ADAM32: variants seen among roughly 807,000 people sequenced by gnomAD.
The protein encoded by ADAM32 is disintegrin and metalloproteinase domain-containing protein 32.
ADAM32 carries 89 observed loss-of-function variants against 114.9 expected under a neutral mutation model. That is an observed-to-expected ratio of 0.77 (90% confidence interval 0.65 to 0.92). The LOEUF (loss-of-function observed/expected upper bound fraction) is 0.92. Ranked by LOEUF, ADAM32 falls within the 40% of genes least tolerant of loss-of-function variation. ADAM32 has a pLI of 0.00. For missense variants in ADAM32, 870 were observed against 932.8 expected (o/e 0.93, Z 0.88); for synonymous variants, 285 against 307.5 (o/e 0.93, Z 0.77).
intron 21 of ADAM32, among the ~76,000 whole-genome samples, chr8:39,275,573 AAAAC>A (rs1813022207): frequency 6.6e-6 from 1 of 152,264 alleles, no homozygotes; most frequent in Admixed American, 6.5e-5. Context: ...TGAAAGGAGA[AAAAC>A]AAATCAGTTT....
At chr8:39,284,071 G>A (rs1242190494) in intron 24 of ADAM32, among the ~76,000 whole-genome samples, 1 of 152,106 alleles carries the variant, frequency 6.6e-6, no homozygotes, top group Non-Finnish European at 1.5e-5. Flanking sequence ...ATCATGTCCA[G>A]CCTAAATGAC....
intron 18 of ADAM32, among the ~76,000 whole-genome samples, chr8:39,254,884 C>T (rs1021454297): frequency 1.3e-5 from 2 of 151,906 alleles, no homozygotes; most frequent in African/African-American, 4.8e-5. Flanking sequence ...CCCCTCAATA[C>T]CCCAAAGTCC....
rs765472860 is a variant in ADAM32 at position 39,165,147 on chromosome 8, A to G, written c.784A>G (p.Lys262Glu). 1.2e-6 allele frequency: 2 copies of G among 1,600,236 alleles called. No homozygotes were observed. The highest frequency in any genetic ancestry group is 1.1e-5 in the South Asian group (1 of 90,286). The stretch of plus-strand genomic sequence containing the variant: ...ATTATTGCAAAAATTTTTAGAATGG[A>G]AACAATCTTATCTTAACCTAAGGCC... ...DELLQKFLEW[K>E]QSYLNLRPHD... The change falls in exon 9 of 25, where the codon AAA becomes GAA. Residue 262 changes from lysine (K) to glutamate (E), a missense_variant. Transcript: ENST00000379907.
chr8:39,161,081 C>A, intron 7 of ADAM32, 116 bp downstream of exon 7: 4 of 918,220 alleles, frequency 4.4e-6, no homozygotes, highest in Admixed American at 3.7e-5. Flanking sequence ...GTCATAGAGA[C>A]AATAGTGGAA....
intron 3 of ADAM32, among the ~76,000 whole-genome samples, chr8:39,146,347 A>T (rs1803503396): frequency 6.6e-6 from 1 of 152,152 alleles, no homozygotes; most frequent in African/African-American, 2.4e-5. Context: ...ATAGTAATAA[A>T]GCTTTAGAAA....
At position 39,151,516 on chromosome 8, in the gene ADAM32, C is replaced by T. The variant is rs1803824057; in HGVS notation, c.493C>T (p.Pro165Ser). ...TATTGACAGAAGCCTGAAAGAACAA[C>T]CAATGGATGACAACATTTTTATAAG... ...IFIDRSLKEQ[P>S]MDDNIFISEK... The change falls in exon 6 of 25, where the codon CCA (proline) becomes TCA (serine). Residue 165 changes from proline (P) to serine (S), a missense_variant. Physicochemically the swap from Pro to Ser is moderately conservative, Grantham distance 74. Coordinates refer to ENST00000379907, the MANE Select transcript of ADAM32 (RefSeq NM_145004.7). 6.3e-7 allele frequency: 1 copy of T among 1,584,658 alleles called. No individual in the cohort carries two copies. The highest frequency in any genetic ancestry group is 8.5e-7 in the Non-Finnish European group (1 of 1,169,966).
intron 14 of ADAM32, among the ~76,000 whole-genome samples, 152 bp from the exon 15 acceptor site, chr8:39,231,875 A>G (rs1222515370): frequency 6.6e-6 from 1 of 152,154 alleles, no homozygotes; most frequent in Non-Finnish European, 1.5e-5. Flanking sequence ...ATTGCCTTTC[A>G]CTTTACTTTT....
intron 10 of ADAM32, among the ~76,000 whole-genome samples, chr8:39,179,447 A>G (rs1227038971): frequency 1.3e-5 from 2 of 152,188 alleles, no homozygotes; most frequent in Non-Finnish European, 1.5e-5. Context: ...GAATGCATGA[A>G]TGGATCTCCC....
rs566070579 is a variant in ADAM32, at chr8:39,151,226, T to C, written c.354-151T>C. On this transcript the variant is annotated intron_variant, in intron 5 of 24. Transcript: ENST00000379907. ...AAATGGGTTTTGTGGATTTGGGAAATCTTTTGTCTCTTCAGAGTCATCTCT... is the reference window on the plus strand; with the variant it reads ...AAATGGGTTTTGTGGATTTGGGAAACCTTTTGTCTCTTCAGAGTCATCTCT... 1.3e-5 allele frequency: 8 copies of C among 609,666 alleles called. No homozygotes were observed. The African/African-American group carries it at 1.6e-4, about 12-fold the overall frequency. 37.8% of individuals were successfully genotyped at this position (609,666 alleles called of 1,614,324 possible). A position where few individuals can be genotyped will look rare whatever the true frequency, so the allele number is the denominator to read the frequency against.
At chr8:39,279,299 A>AT (rs1178517929) in intron 22 of ADAM32, among the ~76,000 whole-genome samples, 1 of 151,588 alleles carries the variant, frequency 6.6e-6, no homozygotes, top group African/African-American at 2.4e-5. Flanking sequence ...TCTTTTATTT[A>AT]TTTTTTTTAA....
At chr8:39,262,897 G>A (rs1812133389) in intron 19 of ADAM32, among the ~76,000 whole-genome samples, 2 of 151,874 alleles carry the variant, frequency 1.3e-5, no homozygotes, top group African/African-American at 4.8e-5. Context: ...TAATACAGAT[G>A]GAGTTTCACC....
chr8:39,257,412 T>C, intron 19 of ADAM32, 69 bp downstream of exon 19: 2 of 1,534,768 alleles, frequency 1.3e-6, no homozygotes, highest in Non-Finnish European at 1.8e-6. Flanking sequence ...TAAGACAATA[T>C]CACGAGCAGT....
chr8:39,228,287 A>C (rs1290329095), intron 14 of ADAM32, among the ~76,000 whole-genome samples: 1 of 152,200 alleles, frequency 6.6e-6, no homozygotes, highest in Non-Finnish European at 1.5e-5. Context: ...ACATCCCCCC[A>C]AAATCACACT....
chr8:39,274,711 T>C (rs1341052196), intron 21 of ADAM32, among the ~76,000 whole-genome samples: 2 of 152,196 alleles, frequency 1.3e-5, no homozygotes, highest in African/African-American at 4.8e-5. Context: ...AGAAACCACA[T>C]GTATGATGGT....
At chr8:39,215,108 T>C (rs2129448523) in intron 12 of ADAM32, among the ~76,000 whole-genome samples, 1 of 152,270 alleles carries the variant, frequency 6.6e-6, no homozygotes, top group East Asian at 1.9e-4. Context: ...TATCAGGTAA[T>C]GTGATTCCTC....
chr8:39,246,276 T>C (rs1366570421), intron 17 of ADAM32, 110 bp downstream of exon 17: 8 of 845,978 alleles, frequency 9.5e-6, no homozygotes, highest in Non-Finnish European at 1.5e-5. Flanking sequence ...CTCTGTTGCA[T>C]CTAGCTTCAA....
intron 11 of ADAM32, among the ~76,000 whole-genome samples, chr8:39,201,537 T>G (rs919796307): frequency 6.6e-6 from 1 of 152,202 alleles, no homozygotes; most frequent in Non-Finnish European, 1.5e-5. Context: ...GCTGAGACGT[T>G]GGGGTTTTCT....
At chr8:39,278,807 A>G (rs28448849) in intron 22 of ADAM32, among the ~76,000 whole-genome samples, 1,586 of 152,142 alleles carry the variant, frequency 0.01, 23 homozygotes, top group African/African-American at 0.036. Context: ...GTTTCAGTTT[A>G]GTGATTCTGT....
intron 11 of ADAM32, among the ~76,000 whole-genome samples, chr8:39,204,347 C>T (rs1192864773): frequency 6.6e-6 from 1 of 152,160 alleles, no homozygotes; most frequent in Non-Finnish European, 1.5e-5. Context: ...ACTGTTTTTT[C>T]TCTAAACTTC....
Sources: gnomAD v4.1 joint callset for allele counts (sites outside exome capture counted in the v4.1 genomes callset) on GRCh38, gnomAD v4.1.1 for gene constraint, MANE v1.5 for transcripts, NCBI Gene and HGNC (gene_info 2026-07-23, HGNC 2026-07-21) for gene names.